NETO1: variants seen among roughly 807,000 people sequenced by gnomAD.
The protein encoded by NETO1 is neuropilin and tolloid like 1, also known as neuropilin and tolloid-like protein 1.
In NETO1, 26 loss-of-function variants were observed where a neutral mutation model predicts 61.3. That is an observed-to-expected ratio of 0.42 (90% CI 0.31 to 0.59). NETO1 has a LOEUF of 0.59. Ranked by LOEUF, NETO1 falls within the 20% of genes least tolerant of loss-of-function variation. The probability of loss-of-function intolerance (pLI) is 0.12; values close to 1 mark genes in which losing one functional copy is unlikely to be tolerated. For synonymous variants in NETO1, 225 were observed against 225.8 expected (o/e 1.00, Z 0.03); for missense variants, 531 against 662.8 (o/e 0.80, Z 2.18).
chr18:72,784,708 T>C (rs2071855827), intron 6 of NETO1, among the ~76,000 whole-genome samples: 1 of 152,242 alleles, frequency 6.6e-6, no homozygotes, highest in African/African-American at 2.4e-5. Context: ...GCCTTAGGTG[T>C]ACTGCTTTTC....
At chr18:72,781,043 T>G (rs944404000) in intron 7 of NETO1, among the ~76,000 whole-genome samples, 1 of 152,210 alleles carries the variant, frequency 6.6e-6, no homozygotes, top group Non-Finnish European at 1.5e-5. Flanking sequence ...ACATTGAGTT[T>G]GAATGAAATA....
chr18:72,860,532 T>A (rs1256071617), intron 3 of NETO1, among the ~76,000 whole-genome samples: 1 of 152,208 alleles, frequency 6.6e-6, no homozygotes, highest in Admixed American at 6.5e-5. Flanking sequence ...ATCAACAGTT[T>A]AAAGGCAATT....
chr18:72,859,062 T>C lies in NETO1; in HGVS notation c.233A>G (p.Gln78Arg), dbSNP rs2074490768. ...TTCATCAAAGTAAAGTTCAATGCAC[T>C]GTCTTGGAGCGGCTGTAAAGAAGAA... is the stretch of plus-strand genomic sequence containing the variant. ...CIYIIEAAPR[Q>R]CIELYFDEKY... Residue 78 changes from glutamine to arginine, a missense_variant, in exon 4 of 11, where the codon CAG (glutamine) becomes CGG (arginine). Gln to Arg is a conservative substitution (Grantham distance 43). Transcript: ENST00000327305. The C allele has an allele frequency of 1.2e-6, 2 of 1,601,104 alleles. No individual in the cohort carries two copies. Among genetic ancestry groups the C allele is most frequent in the African/African-American group, 1.3e-5 (1 of 74,272 alleles).
intron 7 of NETO1, among the ~76,000 whole-genome samples, chr18:72,774,391 A>G (rs2071475096): frequency 6.6e-6 from 1 of 152,212 alleles, no homozygotes; most frequent in African/African-American, 2.4e-5. Flanking sequence ...CAGTCCTATC[A>G]TAATTGGTTA....
At chr18:72,823,613 G>A (rs2073280744) in intron 4 of NETO1, among the ~76,000 whole-genome samples, 1 of 152,138 alleles carries the variant, frequency 6.6e-6, no homozygotes, top group Non-Finnish European at 1.5e-5. Context: ...AGGGCAGGTG[G>A]TGAAGAGCCA....
At position 72,830,820 on chromosome 18, in the gene NETO1, G is replaced by A. The variant is rs772776013; in HGVS notation, c.469+28006C>T. On this transcript the variant is annotated intron_variant, in intron 4 of 10. Coordinates refer to ENST00000327305, the MANE Select transcript of NETO1 (RefSeq NM_138966.5). This position sits in a 1 kb window ranked among gnomAD's most constrained non-coding sequence, Gnocchi z 4.9. ...GATTCCTTTCACAGAAAAGGTTTCC[G>A]AAAGATTATGCTACACTTATGGGTT... Among the ~76,000 whole-genome samples, 17 of 151,988 alleles carry A rather than the reference G, an allele frequency of 1.1e-4. No individual in the cohort carries two copies. Among genetic ancestry groups the A allele is most frequent in the East Asian group, 1.9e-4 (1 of 5,176 alleles).
intron 2 of NETO1, 54 bp from the exon 3 acceptor site, chr18:72,864,999 T>C: frequency 6.4e-7 from 1 of 1,550,680 alleles, no homozygotes; most frequent in Non-Finnish European, 8.7e-7. Flanking sequence ...TTTTCTATTG[T>C]ACTAAAAATA....
intron 4 of NETO1, among the ~76,000 whole-genome samples, chr18:72,836,351 G>T (rs1386279540): frequency 6.6e-6 from 1 of 152,004 alleles, no homozygotes; most frequent in African/African-American, 2.4e-5. Context: ...GTTAGTTCAG[G>T]TACACTTGTC....
intron 4 of NETO1, among the ~76,000 whole-genome samples, chr18:72,824,772 C>T (rs765744064): frequency 5.9e-5 from 9 of 151,548 alleles, no homozygotes; most frequent in East Asian, 1.9e-4. Context: ...CCAGCTACGC[C>T]GGAGGCTAAG....
rs1340832970 is a variant in NETO1, at chr18:72,794,415, G to A, written c.470-11C>T. 6.2e-7 allele frequency: 1 copy of A among 1,604,792 alleles called. No individual in the cohort carries two copies. Among genetic ancestry groups the A allele is most frequent in the East Asian group, 2.2e-5 (1 of 44,844 alleles). On this transcript the variant is annotated splice_polypyrimidine_tract_variant and intron_variant, in intron 4 of 10. Coordinates refer to ENST00000327305, the MANE Select transcript of NETO1 (RefSeq NM_138966.5). ...CCTTAAAGTCAGGATCTTAAAAATT[G>A]AGAAAAAGACAATTAGTCCCATTCT...
At chr18:72,862,622 CTTTTTTTTTTTTTTTT>C (rs2074610102) in intron 3 of NETO1, among the ~76,000 whole-genome samples, 1 of 122,402 alleles carries the variant, frequency 8.2e-6, no homozygotes, top group African/African-American at 3.1e-5. Context: ...CTTTTTTTTT[CTTTTTTTTTTTTTTTT>C]GAGACAGAGT....
chr18:72,768,058 A>G (rs1219497725), intron 7 of NETO1, among the ~76,000 whole-genome samples: 1 of 152,220 alleles, frequency 6.6e-6, no homozygotes, highest in East Asian at 1.9e-4. Flanking sequence ...GAACTGGCTG[A>G]CACTGAACAT....
rs544159454 is a variant in NETO1, at chr18:72,745,471, T to C, written c.*2708A>G. ...CACAGCAGGCTAACTTAATGCATTATTTGAAATCATCTTGTTAAATCAATA... is the reference window on the plus strand; with the variant it reads ...CACAGCAGGCTAACTTAATGCATTACTTGAAATCATCTTGTTAAATCAATA... On this transcript the variant is annotated 3_prime_UTR_variant, in exon 11 of 11. Coordinates refer to ENST00000327305, the MANE Select transcript of NETO1 (RefSeq NM_138966.5). 4 of 152,342 alleles carry C rather than the reference T, an allele frequency of 2.6e-5. No individual in the cohort carries two copies. The East Asian group carries it at 7.7e-4, about 29-fold the overall frequency. 9.4% of individuals were successfully genotyped at this position (152,342 alleles called of 1,614,324 possible).
At chr18:72,751,771 G>C (rs945790158) in intron 8 of NETO1, among the ~76,000 whole-genome samples, 1 of 152,140 alleles carries the variant, frequency 6.6e-6, no homozygotes, top group African/African-American at 2.4e-5. Flanking sequence ...TTCCTGCCCC[G>C]ACCCAGAAGA....
At chr18:72,829,789 G>A (rs1415751713) in intron 4 of NETO1, among the ~76,000 whole-genome samples, 2 of 152,176 alleles carry the variant, frequency 1.3e-5, no homozygotes, top group Non-Finnish European at 2.9e-5. Context: ...GGTGCTCTAA[G>A]CTGGGTGTGC....
chr18:72,841,938 G>T (rs1207913815), intron 4 of NETO1, among the ~76,000 whole-genome samples: 1 of 151,946 alleles, frequency 6.6e-6, no homozygotes, highest in Non-Finnish European at 1.5e-5. Context: ...CCAAGGAAAT[G>T]TGACTAAGAA....
chr18:72,841,733 CAACAAAAAAAAAA>C (rs1427120252), intron 4 of NETO1, among the ~76,000 whole-genome samples: 3 of 70,992 alleles, frequency 4.2e-5, no homozygotes, highest in African/African-American at 5.3e-5. Context: ...GACTCTACCT[CAACAAAAAAAAAA>C]AAAAAAAAAA....
intron 7 of NETO1, among the ~76,000 whole-genome samples, chr18:72,765,166 C>T (rs1388548662): frequency 1.3e-5 from 2 of 152,160 alleles, no homozygotes; most frequent in African/African-American, 4.8e-5. Context: ...CCTCTGCTCA[C>T]CCTAAACATT....
In NETO1 at chr18:72,794,034, A is replaced by T; in HGVS notation, c.639+83T>A. The T allele has an allele frequency of 2.6e-6, 4 of 1,553,300 alleles. No homozygotes were observed. The South Asian group carries it at 3.4e-5, about 13-fold the overall frequency. Reference sequence around the variant, plus strand: ...GGCTGCACTCTGAAATGTATTAGACACGTCCAGTTGCTTCAAAGCAATGCT... The same window carrying T: ...GGCTGCACTCTGAAATGTATTAGACTCGTCCAGTTGCTTCAAAGCAATGCT... On this transcript the variant is annotated intron_variant, in intron 6 of 10. Transcript: ENST00000327305.
Sources: allele counts gnomAD v4.1 joint callset (sites outside exome capture counted in the v4.1 genomes callset), GRCh38; gene constraint gnomAD v4.1.1; non-coding constraint Gnocchi (gnomAD v3.1); transcripts MANE v1.5; gene names NCBI Gene and HGNC (gene_info 2026-07-23, HGNC 2026-07-21).